The following PNLIPRP1 variants were observed in gnomAD, a reference collection of about 807,000 sequenced individuals.
The protein encoded by PNLIPRP1 is pancreatic lipase related protein 1, also known as inactive pancreatic lipase-related protein 1.
A neutral mutation model predicts 54.6 loss-of-function variants in PNLIPRP1; 57 were observed. The observed-to-expected ratio is 1.04, with a 90% confidence interval of 0.84 to 1.30. The LOEUF is 1.30. PNLIPRP1 is among the 50% of genes most tolerant of loss of function. The pLI, the probability that PNLIPRP1 is intolerant of heterozygous loss-of-function variation, is 0.00. For synonymous variants in PNLIPRP1, 232 were observed against 208.8 expected, an observed-to-expected ratio of 1.11 and a Z score of -0.96; for missense variants, 567 against 568.5, an observed-to-expected ratio of 1.00 and a Z score of 0.03.
chr10:116,595,577 A>G (rs1564736225), intron 5 of PNLIPRP1: 1 of 152,934 alleles, frequency 6.5e-6, no homozygotes, highest in Non-Finnish European at 1.5e-5. Context: ...CAATAAATGA[A>G]GTGCCTTTGG....
intron 4 of PNLIPRP1, chr10:116,594,289 T>C (rs371921575): frequency 4.8e-5 from 24 of 504,596 alleles, no homozygotes; most frequent in African/African-American, 3.9e-4. Context: ...ACTATAAAAA[T>C]AGTGAAACTT....
At chr10:116,600,239 T>G (rs2133235899) in intron 9 of PNLIPRP1, 74 bp downstream of exon 9, 1 of 926,808 alleles carries the variant, frequency 1.1e-6, no homozygotes, top group Admixed American at 1.8e-5. Context: ...GTTTGGGATT[T>G]GCAATGCCTT....
At chr10:116,596,675 A>G (rs1554864005) in intron 6 of PNLIPRP1, among the ~76,000 whole-genome samples, 1 of 152,146 alleles carries the variant, frequency 6.6e-6, no homozygotes, top group African/African-American at 2.4e-5. Flanking sequence ...AGGAGGGTCT[A>G]TATTGCCAAT....
intron 11 of PNLIPRP1, among the ~76,000 whole-genome samples, chr10:116,604,721 C>T (rs745305599): frequency 1.9e-5 from 2 of 108,064 alleles, no homozygotes; most frequent in Non-Finnish European, 3.5e-5. Context: ...AGAGTCTTTG[C>T]TCTGTCACCC....
intron 12 of PNLIPRP1, among the ~76,000 whole-genome samples, 173 bp downstream of exon 12, chr10:116,605,726 T>TCA: frequency 6.6e-6 from 1 of 152,338 alleles, no homozygotes; most frequent in Middle Eastern, 3.4e-3. Flanking sequence ...ATGTTTCTGT[T>TCA]GGGTGCACCT....
chr10:116,592,994 C>T (rs1554863464), intron 4 of PNLIPRP1: 2 of 304,236 alleles, frequency 6.6e-6, no homozygotes, highest in Non-Finnish European at 1.3e-5. Context: ...ATGGTGAAAC[C>T]CTATCTCTAC....
intron 1 of PNLIPRP1, 46 bp downstream of exon 1, chr10:116,591,041 T>G: frequency 1.0e-5 from 10 of 958,844 alleles, no homozygotes; most frequent in Non-Finnish European, 1.7e-5. Flanking sequence ...GACGTACAGG[T>G]GAGGTAAACA....
intron 9 of PNLIPRP1, 182 bp downstream of exon 9, chr10:116,600,347 T>C (rs1847812844): frequency 1.9e-6 from 1 of 519,082 alleles, no homozygotes; most frequent in African/African-American, 1.9e-5. Context: ...GGCTAAAATT[T>C]TAGATGACAT....
At chr10:116,600,994 T>A in intron 9 of PNLIPRP1, 78 bp from the exon 10 acceptor site, 2 of 1,339,748 alleles carry the variant, frequency 1.5e-6, no homozygotes, top group South Asian at 2.9e-5. Context: ...GTAGGAAAAT[T>A]GAGTGTCTGC....
Position 116,608,238 on chromosome 10 carries a change from G to T in PNLIPRP1, c.1341-815G>T, listed in dbSNP as rs186730595. ...TAGTAGGAATTAATACCCCAATAAG[G>T]TTATTAAAAAATATGAGGGGATTCT... On this transcript the variant is annotated intron_variant, in intron 12 of 12. Transcript: ENST00000358834. Among the ~76,000 whole-genome samples, 800 of 152,200 alleles carry T rather than the reference G, an allele frequency of 5.3e-3. 11 individuals carry two copies. The highest frequency in any genetic ancestry group is 0.019 in the African/African-American group (776 of 41,526).
intron 8 of PNLIPRP1, 65 bp from the exon 9 acceptor site, chr10:116,599,982 G>A: frequency 1.0e-6 from 1 of 968,968 alleles, no homozygotes; most frequent in African/African-American, 1.6e-5. Context: ...CATTTGGAGA[G>A]AGAGGCAGAG....
intron 11 of PNLIPRP1, among the ~76,000 whole-genome samples, chr10:116,604,583 G>T (rs9421234): frequency 2.6e-5 from 4 of 151,744 alleles, no homozygotes; most frequent in Non-Finnish European, 4.4e-5. Flanking sequence ...GTTAAGCAAC[G>T]CAGGACTATA....
At chr10:116,606,951 G>A (rs144596918) in intron 12 of PNLIPRP1, among the ~76,000 whole-genome samples, 2 of 151,832 alleles carry the variant, frequency 1.3e-5, no homozygotes, top group African/African-American at 2.4e-5. Context: ...AAACTAGTTT[G>A]GGAAGTAAAA....
chr10:116,601,289 T>A (rs1847834773), intron 10 of PNLIPRP1, 88 bp downstream of exon 10: 5 of 1,214,244 alleles, frequency 4.1e-6, no homozygotes, highest in Non-Finnish European at 5.8e-6. Context: ...CTGAAATATT[T>A]GTGGGTACAT....
At chr10:116,592,007 T>C in intron 3 of PNLIPRP1, 82 bp downstream of exon 3, 2 of 1,463,802 alleles carry the variant, frequency 1.4e-6, no homozygotes, top group Non-Finnish European at 1.9e-6. Context: ...CTTATCTCTG[T>C]GCCCTCTTCC....
chr10:116,604,681 CTT>C (rs1234478269), intron 11 of PNLIPRP1, among the ~76,000 whole-genome samples: 75 of 94,140 alleles, frequency 8.0e-4, no homozygotes, highest in Admixed American at 3.1e-3. Context: ...CTTTCTCTCT[CTT>C]TTTTTTTTTT....
rs575333589 is a variant in PNLIPRP1 at position 116,603,788 on chromosome 10, G to A, written c.1064-242G>A. Among the ~76,000 whole-genome samples, 8 of 152,282 alleles carry A rather than the reference G, an allele frequency of 5.3e-5. No homozygotes were observed. In the South Asian group the frequency reaches 1.2e-3, roughly 24 times the overall value. ...TGTGCCTGTAGTCCCAGCTACTAGG[G>A]AGGTTGAGGCAGAAGAATTACTTGA... On this transcript the variant is annotated intron_variant, in intron 10 of 12. Transcript: ENST00000358834.
At chr10:116,599,934 T>TA in intron 8 of PNLIPRP1, 113 bp from the exon 9 acceptor site, 2 of 717,858 alleles carry the variant, frequency 2.8e-6, no homozygotes, top group South Asian at 1.7e-5. Flanking sequence ...GGATTTATCT[T>TA]AAGTTTCTGA....
At chr10:116,606,584 G>C (rs1554865593) in intron 12 of PNLIPRP1, among the ~76,000 whole-genome samples, 1 of 152,144 alleles carries the variant, frequency 6.6e-6, no homozygotes, top group East Asian at 1.9e-4. Context: ...CTGGATCCTG[G>C]GACTGTGTGG....
Sources: gnomAD v4.1 joint callset for allele counts (sites outside exome capture counted in the v4.1 genomes callset) on GRCh38, gnomAD v4.1.1 for gene constraint, MANE v1.5 for transcripts, NCBI Gene and HGNC (gene_info 2026-07-23, HGNC 2026-07-21) for gene names.